NPC1: variants seen among roughly 807,000 people sequenced by gnomAD.
The protein encoded by NPC1 is Niemann-Pick C1 protein.
A neutral mutation model predicts 140.4 loss-of-function variants in NPC1; 85 were observed. The observed-to-expected ratio is 0.61, with a 90% CI of 0.51 to 0.72. The LOEUF (loss-of-function observed/expected upper bound fraction) is 0.72, where lower values mean the gene tolerates loss of function less well. Among genes scored for constraint, NPC1 ranks in the 30% least tolerant of loss-of-function variants. The pLI is 0.00. For missense variants in NPC1, 1,504 were observed against 1,623.8 expected, an observed-to-expected ratio of 0.93 and a Z score of 1.27; for synonymous variants, 656 against 624.8, an observed-to-expected ratio of 1.05 and a Z score of -0.74.
intron 1 of NPC1, among the ~76,000 whole-genome samples, chr18:23,578,535 C>A (rs1484510307): frequency 6.6e-6 from 1 of 152,200 alleles, no homozygotes; most frequent in African/African-American, 2.4e-5. Context: ...GCCTCCTGGC[C>A]CCCAGGCCTG....
At chr18:23,579,566 C>A (rs1039759684) in intron 1 of NPC1, among the ~76,000 whole-genome samples, 1 of 151,994 alleles carries the variant, frequency 6.6e-6, no homozygotes, top group African/African-American at 2.4e-5. Flanking sequence ...CTTCTTTCAA[C>A]GATAGGAACA....
chr18:23,586,464 A>G lies in NPC1; in HGVS notation c.-121T>C. 1 of 1,467,314 alleles carries G rather than the reference A, an allele frequency of 6.8e-7. No individual in the cohort carries two copies. Among genetic ancestry groups the G allele is most frequent in the Non-Finnish European group, 9.0e-7 (1 of 1,116,120 alleles). The allele number at this position is 1,467,314 out of a possible 1,614,324, so 90.9% of individuals were successfully genotyped here. A position where few individuals can be genotyped will look rare whatever the true frequency, so the allele number is the denominator to read the frequency against. On this transcript the variant is annotated 5_prime_UTR_variant, in exon 1 of 25. Transcript: ENST00000269228. ...GCAGGAGGAGCGGAGGAGCAGGAGC[A>G]GGCGCTGACCGCGGCAGCAGGCTGC... is the stretch of plus-strand genomic sequence containing the variant.
chr18:23,508,156 C>A, intron 3 of NPC1: 3 of 914,120 alleles, frequency 3.3e-6, no homozygotes, highest in Admixed American at 3.3e-5. Flanking sequence ...CAGACTGTCC[C>A]TCATGTTGAT....
chr18:23,546,703 A>C (rs1254053292), intron 11 of NPC1, among the ~76,000 whole-genome samples: 1 of 152,214 alleles, frequency 6.6e-6, no homozygotes, highest in African/African-American at 2.4e-5. Flanking sequence ...CCACAACATG[A>C]ATGAACCTTG....
At chr18:23,583,014 TG>T (rs765719207) in intron 1 of NPC1, among the ~76,000 whole-genome samples, 3 of 143,560 alleles carry the variant, frequency 2.1e-5, no homozygotes, top group Non-Finnish European at 4.5e-5. Flanking sequence ...GAGGCTGAGG[TG>T]GAAGGATAGC....
chr18:23,521,687 C>G (rs1161015447), downstream of NPC1, among the ~76,000 whole-genome samples: 1 of 75,220 alleles, frequency 1.3e-5, no homozygotes, highest in South Asian at 5.1e-4. Flanking sequence ...TCAACACACA[C>G]TCTCTCTCTT....
intron 1 of NPC1, among the ~76,000 whole-genome samples, chr18:23,583,767 C>T (rs1009936884): frequency 2.6e-5 from 4 of 152,172 alleles, no homozygotes; most frequent in Non-Finnish European, 1.5e-5. Flanking sequence ...GCCTATTCAG[C>T]GAGTCCTTTT....
chr18:23,577,607 G>A (rs1190152445), intron 1 of NPC1, among the ~76,000 whole-genome samples: 1 of 152,240 alleles, frequency 6.6e-6, no homozygotes, highest in Admixed American at 6.5e-5. Flanking sequence ...GGAGCTGCCT[G>A]CCAGTCCTGC....
intron 3 of NPC1, chr18:23,515,914 G>C: frequency 6.2e-7 from 1 of 1,614,120 alleles, no homozygotes; most frequent in African/African-American, 1.3e-5. Context: ...AATGTGAATT[G>C]GTACATGTAC....
intron 13 of NPC1, 58 bp downstream of exon 13, chr18:23,544,286 A>G: frequency 6.5e-7 from 1 of 1,546,890 alleles, no homozygotes; most frequent in Non-Finnish European, 8.9e-7. Context: ...CCCAGGAGCC[A>G]TTCACAGTCC....
intron 11 of NPC1, among the ~76,000 whole-genome samples, chr18:23,545,806 C>G (rs1018526372): frequency 6.6e-6 from 1 of 152,122 alleles, no homozygotes; most frequent in Non-Finnish European, 1.5e-5. Context: ...GTTGTGCAAG[C>G]TGGTCTCAAA....
At chr18:23,573,608 A>T (rs777527465) in intron 1 of NPC1, 34 bp from the exon 2 acceptor site, 2 of 1,614,006 alleles carry the variant, frequency 1.2e-6, no homozygotes, top group Admixed American at 1.7e-5. Context: ...CAGTGTTACC[A>T]GGGTCTCAAT....
chr18:23,566,604 A>G (rs2059128471), intron 4 of NPC1, among the ~76,000 whole-genome samples: 1 of 151,642 alleles, frequency 6.6e-6, no homozygotes, highest in Admixed American at 6.6e-5. Flanking sequence ...ACTTACACAC[A>G]CACACACACT....
chr18:23,538,817 C>T (rs1187976330), intron 19 of NPC1, 146 bp from the exon 20 acceptor site: 3 of 835,068 alleles, frequency 3.6e-6, no homozygotes, highest in Non-Finnish European at 3.9e-6. Context: ...TTCCCCTTAT[C>T]TAAAAGCTTC....
rs370766410 is a variant in NPC1 at position 23,538,655 on chromosome 18, G to A, written c.2928C>T (p.Cys976=). The A allele has an allele frequency of 3.0e-5, 48 of 1,613,972 alleles. No individual in the cohort carries two copies. The South Asian group carries it at 3.8e-4, about 13-fold the overall frequency. The stretch of plus-strand genomic sequence containing the variant: ...CCGGAGTCAGAGGCCTGCAGCGAAC[G>A]CAGGCAGGGTCAACCACTGGCGGAG... ...FCNASVVDPA[C]VRCRPLTPEG... is the part of the protein sequence containing the mutation. Residue 976 remains cysteine (C), a synonymous_variant, in exon 20 of 25, where the codon TGC becomes TGT. Transcript: ENST00000269228.
intron 23 of NPC1, 85 bp downstream of exon 23, chr18:23,534,361 A>G (rs1354774241): frequency 3.2e-6 from 3 of 924,202 alleles, no homozygotes; most frequent in Non-Finnish European, 5.2e-6. Flanking sequence ...CTGCTTTGTA[A>G]GTACAGGATC....
chr18:23,540,368 C>G (rs757168998), intron 17 of NPC1, 80 bp downstream of exon 17: 9 of 939,774 alleles, frequency 9.6e-6, no homozygotes, highest in African/African-American at 1.7e-5. Flanking sequence ...TTGCTTGAAA[C>G]ACCTACGTGC....
intron 1 of NPC1, chr18:23,581,891 T>C (rs1026705265): frequency 2.0e-5 from 3 of 152,220 alleles, no homozygotes; most frequent in Admixed American, 2.0e-4. Flanking sequence ...TTACCATTTT[T>C]TTATGTATCC....
chr18:23,567,703 T>G lies in NPC1; in HGVS notation c.463+1120A>C, dbSNP rs902053577. Among the ~76,000 whole-genome samples, 109 of 152,306 alleles carry G rather than the reference T, an allele frequency of 7.2e-4. 2 individuals carry two copies. The highest frequency in any genetic ancestry group is 2.2e-3 in the African/African-American group (92 of 41,574). ...TTTCTCTAAGGCAGGCATCTATAAGTGAAATTTCTGGGAGGAGGGTTAGCT... is the reference window on the plus strand; with the variant it reads ...TTTCTCTAAGGCAGGCATCTATAAGGGAAATTTCTGGGAGGAGGGTTAGCT... On this transcript the variant is annotated intron_variant, in intron 4 of 24. Transcript: ENST00000269228.
Sources: gnomAD v4.1 joint callset for allele counts (sites outside exome capture counted in the v4.1 genomes callset) on GRCh38, gnomAD v4.1.1 for gene constraint, MANE v1.5 for transcripts, NCBI Gene and HGNC (gene_info 2026-07-23, HGNC 2026-07-21) for gene names.